Variants in AFAP1L2 observed in about 807,000 individuals in gnomAD.
AFAP1L2 encodes the protein actin filament-associated protein 1-like 2.
AFAP1L2 carries 46 observed loss-of-function variants against 99.3 expected under a neutral mutation model. The observed-to-expected ratio is 0.46, with a 90% CI of 0.37 to 0.59. The LOEUF is 0.59. AFAP1L2 is among the 20% of genes least tolerant of loss of function. The pLI, the probability that AFAP1L2 is intolerant of heterozygous loss-of-function variation, is 0.00. For missense variants in AFAP1L2, 959 were observed against 1,034.9 expected, an observed-to-expected ratio of 0.93 and a Z score of 1.01; for synonymous variants, 397 against 419.1, an observed-to-expected ratio of 0.95 and a Z score of 0.64.
intron 1 of AFAP1L2, among the ~76,000 whole-genome samples, chr10:114,343,559 G>A (rs555377097): frequency 1.3e-5 from 2 of 152,318 alleles, no homozygotes; most frequent in South Asian, 2.1e-4. Context: ...AAGGAGGGAG[G>A]GAGGGAGGCT....
intron 7 of AFAP1L2, among the ~76,000 whole-genome samples, chr10:114,311,167 T>C (rs1049164217): frequency 1.3e-5 from 2 of 151,946 alleles, no homozygotes; most frequent in South Asian, 4.2e-4. Context: ...CGGAAAAGGA[T>C]AGGTGGGTTT....
chr10:114,296,835 G>A, intron 18 of AFAP1L2, 143 bp downstream of exon 18: 2 of 1,410,214 alleles, frequency 1.4e-6, no homozygotes, highest in African/African-American at 1.4e-5. Context: ...GCATGGCAAA[G>A]CCATGGCCAC....
Position 114,336,965 on chromosome 10 carries a change from G to A in AFAP1L2, c.145+3638C>T, listed in dbSNP as rs991711740. ...ATACACATCCTGCCCAAAATGTGTG[G>A]AAGTCCCAGAAGCTCAGCCTGTTGG... is the stretch of plus-strand genomic sequence containing the variant. On this transcript the variant is annotated intron_variant, in intron 2 of 18. Coordinates refer to ENST00000304129, the MANE Select transcript of AFAP1L2 (RefSeq NM_001001936.3). 5.3e-5 allele frequency among the ~76,000 whole-genome samples: 8 copies of A among 152,222 alleles called. No individual in the cohort carries two copies. The South Asian group carries it at 8.3e-4, about 16-fold the overall frequency.
At chr10:114,286,326 C>A in the AFAP1L2 span, 6 of 1,612,152 alleles carry the variant, frequency 3.7e-6, no homozygotes, top group Admixed American at 8.3e-5. Flanking sequence ...GATGAGGTTG[C>A]GGGCCCAGCG....
At chr10:114,394,501 G>A (rs1403266931) in intron 1 of AFAP1L2, among the ~76,000 whole-genome samples, 1 of 152,210 alleles carries the variant, frequency 6.6e-6, no homozygotes, top group Non-Finnish European at 1.5e-5. Context: ...CAGGTTCTCA[G>A]TGGGAATCCC....
intron 1 of AFAP1L2, among the ~76,000 whole-genome samples, chr10:114,373,703 T>C (rs1590682919): frequency 6.6e-6 from 1 of 152,160 alleles, no homozygotes; most frequent in South Asian, 2.1e-4. Context: ...CAAAGTCCCC[T>C]GACCACAGGC....
intron 16 of AFAP1L2, 120 bp from the exon 17 acceptor site, chr10:114,297,533 C>T (rs1394395243): frequency 3.3e-5 from 36 of 1,100,348 alleles, no homozygotes; most frequent in Non-Finnish European, 4.5e-5. Flanking sequence ...GGTCTGGCCC[C>T]AACACTCAGA....
At chr10:114,349,030 T>C (rs555333359) in intron 1 of AFAP1L2, among the ~76,000 whole-genome samples, 105 of 152,294 alleles carry the variant, frequency 6.9e-4, no homozygotes, top group African/African-American at 2.5e-3. Flanking sequence ...CAGATATATT[T>C]CAAAATACAT....
In AFAP1L2 at chr10:114,328,389, G is replaced by A. The variant is rs117465366; in HGVS notation, c.315+3414C>T. ...CTGCTGCAGGTGCCGGTGAGCCCAG[G>A]GCCAGGCAGCTGTGCAGGGCCCAGC... On this transcript the variant is annotated intron_variant, in intron 4 of 18. Coordinates refer to ENST00000304129, the MANE Select transcript of AFAP1L2 (RefSeq NM_001001936.3). Among the ~76,000 whole-genome samples the A allele has an allele frequency of 4.9e-4, 74 of 152,328 alleles. 2 individuals carry two copies. In the East Asian group the frequency reaches 9.1e-3, roughly 19 times the overall value.
At chr10:114,396,864 G>A (rs2057770847) in intron 1 of AFAP1L2, among the ~76,000 whole-genome samples, 1 of 152,128 alleles carries the variant, frequency 6.6e-6, no homozygotes, top group Non-Finnish European at 1.5e-5. Context: ...CACACTGATT[G>A]TGCCTAATGA....
At chr10:114,282,171 T>G in the AFAP1L2 span, among the ~76,000 whole-genome samples, 1 of 152,044 alleles carries the variant, frequency 6.6e-6, no homozygotes, top group Non-Finnish European at 1.5e-5. Flanking sequence ...GCCCAGCTAA[T>G]TTTTGTATTT....
intron 6 of AFAP1L2, among the ~76,000 whole-genome samples, chr10:114,314,881 GCCTGTAAA>G (rs1431602851): frequency 1.3e-5 from 2 of 152,206 alleles, no homozygotes; most frequent in African/African-American, 4.8e-5. Flanking sequence ...AGTGGCTCAC[GCCTGTAAA>G]CCCAGCACTT....
intron 1 of AFAP1L2, among the ~76,000 whole-genome samples, chr10:114,358,093 G>A (rs2051663939): frequency 6.6e-6 from 1 of 152,110 alleles, no homozygotes; most frequent in African/African-American, 2.4e-5. Flanking sequence ...GAAAAACCTA[G>A]GAATAAACAA....
chr10:114,386,397 T>C (rs1342171307), intron 1 of AFAP1L2, among the ~76,000 whole-genome samples: 2 of 150,982 alleles, frequency 1.3e-5, no homozygotes, highest in Non-Finnish European at 3.0e-5. Flanking sequence ...CAAAACCCCA[T>C]CTCCAAAAAA....
At chr10:114,385,938 C>A (rs565128483) in intron 1 of AFAP1L2, among the ~76,000 whole-genome samples, 29 of 152,202 alleles carry the variant, frequency 1.9e-4, no homozygotes, top group Non-Finnish European at 2.5e-4. Flanking sequence ...CACCCCCCGC[C>A]CCCCCTCAGG....
chr10:114,331,012 G>A (rs557673059), intron 4 of AFAP1L2, among the ~76,000 whole-genome samples: 10 of 152,250 alleles, frequency 6.6e-5, no homozygotes, highest in Non-Finnish European at 1.5e-4. Context: ...AGGCCCAGGA[G>A]GTACAAAGTC....
At chr10:114,383,513 A>G (rs565661376) in intron 1 of AFAP1L2, among the ~76,000 whole-genome samples, 21 of 152,350 alleles carry the variant, frequency 1.4e-4, no homozygotes, top group African/African-American at 4.8e-4. Flanking sequence ...GGATTTTCAT[A>G]TTCTATGTTA....
At chr10:114,310,911 C>T (rs969738493) in intron 7 of AFAP1L2, among the ~76,000 whole-genome samples, 1 of 152,110 alleles carries the variant, frequency 6.6e-6, no homozygotes, top group Non-Finnish European at 1.5e-5. Flanking sequence ...CTGCAAACTC[C>T]CTTGTTCCAA....
At chr10:114,369,545 AC>A (rs2053804844) in intron 1 of AFAP1L2, among the ~76,000 whole-genome samples, 1 of 149,580 alleles carries the variant, frequency 6.7e-6, no homozygotes, top group Non-Finnish European at 1.5e-5. Flanking sequence ...CAGTGAGCCG[AC>A]ATCGTGCCAC....
Sources: gnomAD v4.1 joint callset for allele counts (sites outside exome capture counted in the v4.1 genomes callset) on GRCh38, gnomAD v4.1.1 for gene constraint, MANE v1.5 for transcripts, NCBI Gene and HGNC (gene_info 2026-07-23, HGNC 2026-07-21) for gene names.